FAM107B: variants seen among roughly 807,000 people sequenced by gnomAD.
FAM107B encodes family with sequence similarity 107 member B.
FAM107B carries 21 observed loss-of-function variants against 31.5 expected under a neutral mutation model. That is an observed-to-expected ratio of 0.67 (90% confidence interval 0.47 to 0.96). FAM107B has a LOEUF of 0.96. Among genes scored for constraint, FAM107B ranks in the 40% least tolerant of loss-of-function variants. The pLI, the probability that FAM107B is intolerant of heterozygous loss-of-function variation, is 0.00. For missense variants in FAM107B, 452 were observed against 377.1 expected, an observed-to-expected ratio of 1.20 and a Z score of -1.64; for synonymous variants, 157 against 141.5, an observed-to-expected ratio of 1.11 and a Z score of -0.78.
chr10:14,639,589 T>TTTAA (rs1449511949), intron 2 of FAM107B, among the ~76,000 whole-genome samples: 1 of 152,192 alleles, frequency 6.6e-6, no homozygotes, highest in Non-Finnish European at 1.5e-5. Flanking sequence ...AGACCCTGGA[T>TTTAA]TTAAGTTCAA....
chr10:14,679,277 A>G (rs1854769051), intron 1 of FAM107B, among the ~76,000 whole-genome samples: 1 of 152,098 alleles, frequency 6.6e-6, no homozygotes, highest in African/African-American at 2.4e-5. Context: ...CTACAAGCAC[A>G]CACCACCAAG....
At chr10:14,690,292 G>A (rs1280232560) in intron 1 of FAM107B, among the ~76,000 whole-genome samples, 1 of 152,148 alleles carries the variant, frequency 6.6e-6, no homozygotes. Flanking sequence ...CTCCTTTCAA[G>A]GCAGTCTTTC....
At chr10:14,642,755 C>T (rs577408228) in intron 2 of FAM107B, among the ~76,000 whole-genome samples, 1 of 152,332 alleles carries the variant, frequency 6.6e-6, no homozygotes, top group African/African-American at 2.4e-5. Context: ...GCCACTCCTT[C>T]AACACTTTGC....
intron 2 of FAM107B, among the ~76,000 whole-genome samples, chr10:14,549,618 C>T (rs531508927): frequency 6.6e-6 from 1 of 152,256 alleles, no homozygotes; most frequent in African/African-American, 2.4e-5. Flanking sequence ...GCTTGTGGTT[C>T]CAGGACGCCA....
intron 1 of FAM107B, among the ~76,000 whole-genome samples, chr10:14,677,724 T>G (rs901540573): frequency 1.3e-5 from 2 of 152,108 alleles, no homozygotes; most frequent in Non-Finnish European, 2.9e-5. Flanking sequence ...CATCTTAACT[T>G]GCTCAGGACT....
intron 2 of FAM107B, among the ~76,000 whole-genome samples, chr10:14,648,395 G>T (rs774152767): frequency 6.6e-6 from 1 of 152,210 alleles, no homozygotes. Context: ...TTTCAGAGGC[G>T]CCTGTTGCTA....
intron 1 of FAM107B, among the ~76,000 whole-genome samples, chr10:14,762,212 C>T (rs1401025619): frequency 3.3e-5 from 5 of 152,150 alleles, no homozygotes; most frequent in African/African-American, 9.7e-5. Context: ...TTGGGCATCC[C>T]CTCCTCACCC....
chr10:14,763,354 G>T (rs1409616542), intron 1 of FAM107B, among the ~76,000 whole-genome samples: 1 of 152,206 alleles, frequency 6.6e-6, no homozygotes, highest in Non-Finnish European at 1.5e-5. Context: ...CTGCTTGCCA[G>T]CAGATGTTTG....
chr10:14,530,570 A>G, intron 2 of FAM107B, 55 bp from the exon 3 acceptor site: 1 of 1,548,852 alleles, frequency 6.5e-7, no homozygotes, highest in Non-Finnish European at 8.8e-7. Context: ...GGCTTTTCCC[A>G]CACATGCAGA....
chr10:14,568,794 G>C (rs906455126), intron 2 of FAM107B, among the ~76,000 whole-genome samples: 4 of 151,110 alleles, frequency 2.6e-5, no homozygotes, highest in Admixed American at 6.6e-5. Flanking sequence ...TGGAGGGGAA[G>C]GGAGAGAGGG....
chr10:14,743,868 A>T (rs1346067574), intron 1 of FAM107B, among the ~76,000 whole-genome samples: 3 of 152,066 alleles, frequency 2.0e-5, no homozygotes, highest in Non-Finnish European at 2.9e-5. Flanking sequence ...ATTTTAAAGT[A>T]TTTTTTTCTA....
At chr10:14,705,023 C>CAAA (rs57922026) in intron 1 of FAM107B, among the ~76,000 whole-genome samples, 38,552 of 87,790 alleles carry the variant, frequency 0.44, 7,756 homozygotes, top group South Asian at 0.53. Context: ...GACCCTGTCA[C>CAAA]AAAAAAAAAA....
intron 2 of FAM107B, chr10:14,602,453 A>C (rs1852430730): frequency 6.6e-6 from 1 of 152,250 alleles, no homozygotes; most frequent in Non-Finnish European, 1.5e-5. Flanking sequence ...CCAGTGGCCA[A>C]ATCTGTGGCT....
intron 2 of FAM107B, among the ~76,000 whole-genome samples, chr10:14,615,396 G>T (rs1852825811): frequency 6.6e-6 from 1 of 152,192 alleles, no homozygotes; most frequent in South Asian, 2.1e-4. Flanking sequence ...CTTGTAGGGA[G>T]AGAATTAATG....
At position 14,573,025 on chromosome 10, in the gene FAM107B, A is replaced by G. The variant is rs371384829; in HGVS notation, c.470-42510T>C. 5.3e-5 allele frequency among the ~76,000 whole-genome samples: 8 copies of G among 152,232 alleles called. No homozygotes were observed. The East Asian group carries it at 1.5e-3, about 29-fold the overall frequency. ...GAATTACCATTGCAGAGGCACATAT[A>G]GACGCCCACTTGGTGACATCTGGCC... On this transcript the variant is annotated intron_variant, in intron 2 of 4. Coordinates refer to ENST00000181796, the MANE Select transcript of FAM107B (RefSeq NM_031453.4).
chr10:14,774,359 G>C lies in FAM107B; in HGVS notation c.305C>G (p.Ala102Gly). ...CCCGGGCACATCTTCAGGCGTCTCC[G>C]CGGGCTGGGCCGCAGTGCGGTGACT... ...NSSHRTAAQP[A>G]ETPEDVPGSL... Residue 102 changes from alanine (A) to glycine (G), a missense_variant, in exon 1 of 5, where the codon GCG (alanine) becomes GGG (glycine). Transcript: ENST00000181796. The C allele has an allele frequency of 6.2e-7, 1 of 1,614,176 alleles. No individual in the cohort carries two copies. The highest frequency in any genetic ancestry group is 8.5e-7 in the Non-Finnish European group (1 of 1,180,034).
At chr10:14,730,273 G>A (rs1035724558) in intron 1 of FAM107B, among the ~76,000 whole-genome samples, 7 of 152,166 alleles carry the variant, frequency 4.6e-5, no homozygotes, top group African/African-American at 1.7e-4. Flanking sequence ...ATGTCACATG[G>A]GCATCAGGAT....
chr10:14,712,338 C>T (rs1054397978), intron 1 of FAM107B, among the ~76,000 whole-genome samples: 1 of 151,946 alleles, frequency 6.6e-6, no homozygotes. Context: ...AGCCTGTAAT[C>T]CCAACACTTT....
intron 2 of FAM107B, among the ~76,000 whole-genome samples, chr10:14,605,735 A>G (rs141233583): frequency 1.3e-5 from 2 of 152,120 alleles, no homozygotes; most frequent in African/African-American, 4.8e-5. Flanking sequence ...GGTGTTTCCT[A>G]TGATTCTTCC....
Sources: allele counts gnomAD v4.1 joint callset (sites outside exome capture counted in the v4.1 genomes callset), GRCh38; gene constraint gnomAD v4.1.1; transcripts MANE v1.5; gene names NCBI Gene and HGNC (gene_info 2026-07-23, HGNC 2026-07-21).